Variants in PHLPP1 observed in about 807,000 individuals in gnomAD.
The protein encoded by PHLPP1 is PH domain leucine-rich repeat-containing protein phosphatase 1.
PHLPP1 carries 42 observed loss-of-function variants against 117.2 expected under a neutral mutation model. That is an observed-to-expected ratio of 0.36 (90% CI 0.28 to 0.46). The LOEUF (loss-of-function observed/expected upper bound fraction) is 0.46, where lower values mean the gene tolerates loss of function less well. Ranked by LOEUF, PHLPP1 falls within the 20% of genes least tolerant of loss-of-function variation. PHLPP1 has a pLI of 1.00. For synonymous variants in PHLPP1, 1,042 were observed against 970.7 expected (o/e 1.07, Z -1.37); for missense variants, 2,084 against 2,241.9 (o/e 0.93, Z 1.42).
intron 3 of PHLPP1, among the ~76,000 whole-genome samples, chr18:62,853,489 C>A (rs1030738878): frequency 4.6e-5 from 7 of 152,158 alleles, no homozygotes; most frequent in Non-Finnish European, 7.4e-5. Context: ...CCTACCTCAG[C>A]CTCCTGAGTA....
Position 62,903,108 on chromosome 18 carries a change from A to T in PHLPP1, c.2589A>T (p.Gln863His), listed in dbSNP as rs748314007. ...NIEVLHCERN[Q>H]LVTLDICGYF... ...AAGTTTTACACTGTGAAAGGAATCA[A>T]CTGGTCACATTAGACATCTGTGGCT... The change falls in exon 7 of 17, where the codon CAA becomes CAT. Residue 863 changes from glutamine to histidine, a missense_variant. Physicochemically the swap from Gln to His is conservative, Grantham distance 24. Transcript: ENST00000262719. The T allele has an allele frequency of 8.7e-6, 14 of 1,613,654 alleles. No homozygotes were observed. The highest frequency in any genetic ancestry group is 1.2e-5 in the Non-Finnish European group (14 of 1,179,800).
At chr18:62,839,631 A>G (rs1281698801) in intron 3 of PHLPP1, 1 of 151,324 alleles carries the variant, frequency 6.6e-6, no homozygotes, top group Non-Finnish European at 1.5e-5. Flanking sequence ...AGGCACGAAA[A>G]TTGCGAACTG....
intron 1 of PHLPP1, among the ~76,000 whole-genome samples, chr18:62,799,028 T>C (rs576772931): frequency 9.2e-5 from 14 of 152,330 alleles, no homozygotes; most frequent in Non-Finnish European, 1.8e-4. Context: ...AGTAGCAAAA[T>C]TGACTTATTT....
chr18:62,777,948 C>T (rs886553305), intron 1 of PHLPP1, among the ~76,000 whole-genome samples: 2 of 152,118 alleles, frequency 1.3e-5, no homozygotes, highest in African/African-American at 2.4e-5. Flanking sequence ...GTGTTACTAC[C>T]CTGCTGAAAA....
At chr18:62,718,723 ATTG>A (rs1014674275) in intron 1 of PHLPP1, among the ~76,000 whole-genome samples, 11 of 152,228 alleles carry the variant, frequency 7.2e-5, no homozygotes, top group African/African-American at 2.7e-4. Flanking sequence ...TTTGTAAAAT[ATTG>A]TTATTTTACA....
At chr18:62,970,853 C>T (rs925165947) in intron 14 of PHLPP1, among the ~76,000 whole-genome samples, 7 of 152,162 alleles carry the variant, frequency 4.6e-5, no homozygotes, top group Admixed American at 1.3e-4. Flanking sequence ...TGTACAGTTC[C>T]GGATTTCCAT....
intron 1 of PHLPP1, among the ~76,000 whole-genome samples, chr18:62,758,818 C>T (rs1346463770): frequency 1.3e-5 from 2 of 152,166 alleles, no homozygotes; most frequent in Non-Finnish European, 2.9e-5. Flanking sequence ...AAAATTGCTT[C>T]CTTTTAAGGA....
intron 4 of PHLPP1, chr18:62,889,496 G>T (rs1916358728): frequency 1.3e-5 from 2 of 152,344 alleles, no homozygotes; most frequent in South Asian, 4.1e-4. Context: ...GACTCCCTGG[G>T]ATTCTGCACT....
chr18:62,845,760 T>C (rs1284571183), intron 3 of PHLPP1, among the ~76,000 whole-genome samples: 1 of 152,228 alleles, frequency 6.6e-6, no homozygotes, highest in African/African-American at 2.4e-5. Flanking sequence ...CTGTAGTTTG[T>C]AACTTTGAGG....
intron 2 of PHLPP1, among the ~76,000 whole-genome samples, chr18:62,833,353 C>T (rs183143642): frequency 2.0e-5 from 3 of 152,200 alleles, no homozygotes; most frequent in Non-Finnish European, 2.9e-5. Flanking sequence ...GGATTACAGG[C>T]GTGAGCCACC....
intron 12 of PHLPP1, among the ~76,000 whole-genome samples, chr18:62,949,713 G>T (rs536227383): frequency 1.3e-5 from 2 of 152,186 alleles, no homozygotes; most frequent in Admixed American, 6.5e-5. Flanking sequence ...AAACAGACAG[G>T]CCTCCCTCTG....
intron 1 of PHLPP1, among the ~76,000 whole-genome samples, chr18:62,818,317 A>G (rs1260800382): frequency 1.3e-5 from 2 of 152,054 alleles, no homozygotes; most frequent in African/African-American, 4.8e-5. Context: ...GATCACCTGA[A>G]GTCAGGAGAC....
chr18:62,876,464 A>AT (rs1263913279), intron 4 of PHLPP1, among the ~76,000 whole-genome samples: 3 of 152,110 alleles, frequency 2.0e-5, no homozygotes, highest in East Asian at 3.9e-4. Context: ...CTTTTTAAAT[A>AT]TTTTTTGTAC....
intron 4 of PHLPP1, among the ~76,000 whole-genome samples, chr18:62,866,888 C>A (rs531901941): frequency 2.0e-5 from 3 of 152,252 alleles, no homozygotes; most frequent in Non-Finnish European, 2.9e-5. Flanking sequence ...ACCCTCTCTC[C>A]CCAGCTGTTA....
chr18:62,775,254 C>T (rs191631792), intron 1 of PHLPP1, among the ~76,000 whole-genome samples: 2 of 152,094 alleles, frequency 1.3e-5, no homozygotes, highest in African/African-American at 4.8e-5. Flanking sequence ...CCTACCACCA[C>T]GCCCGGCTAA....
intron 4 of PHLPP1, among the ~76,000 whole-genome samples, chr18:62,892,513 T>A (rs1300077985): frequency 6.6e-6 from 1 of 152,048 alleles, no homozygotes; most frequent in Non-Finnish European, 1.5e-5. Flanking sequence ...TCCACTGAAA[T>A]ATGAGAGTGA....
intron 4 of PHLPP1, among the ~76,000 whole-genome samples, chr18:62,890,394 G>A (rs1916377547): frequency 6.6e-6 from 1 of 151,952 alleles, no homozygotes; most frequent in African/African-American, 2.4e-5. Context: ...AGCCTGCCGA[G>A]TAGCTGGACT....
chr18:62,896,116 G>A, intron 6 of PHLPP1, 105 bp downstream of exon 6: 1 of 666,620 alleles, frequency 1.5e-6, no homozygotes, highest in Non-Finnish European at 2.6e-6. Flanking sequence ...ATTGAATGTG[G>A]GCCCGTTTTT....
chr18:62,742,421 T>C lies in PHLPP1; in HGVS notation c.1576+25162T>C, dbSNP rs1160124826. ...TGGTCTGAGAATAAAGGCATAGTCTTTTTACTGGCTTCATGTAATTTTTTT... is the reference window on the plus strand; with the variant it reads ...TGGTCTGAGAATAAAGGCATAGTCTCTTTACTGGCTTCATGTAATTTTTTT... On this transcript the variant is annotated intron_variant, in intron 1 of 16. Coordinates refer to ENST00000262719, the MANE Select transcript of PHLPP1 (RefSeq NM_194449.4). 2.6e-5 allele frequency among the ~76,000 whole-genome samples: 4 copies of C among 152,176 alleles called. No homozygotes were observed. The East Asian group carries it at 7.7e-4, about 29-fold the overall frequency.
Sources: allele counts gnomAD v4.1 joint callset (sites outside exome capture counted in the v4.1 genomes callset), GRCh38; gene constraint gnomAD v4.1.1; transcripts MANE v1.5; gene names NCBI Gene and HGNC (gene_info 2026-07-23, HGNC 2026-07-21).